METTL21A: variants seen among roughly 807,000 people sequenced by gnomAD.
METTL21A encodes the protein methyltransferase 21A, HSPA lysine, also known as protein N-lysine methyltransferase METTL21A.
METTL21A carries 22 observed loss-of-function variants against 20.9 expected under a neutral mutation model. The observed-to-expected ratio is 1.05, with a 90% CI of 0.75 to 1.50. The LOEUF is 1.50. METTL21A is among the 40% of genes most tolerant of loss of function. METTL21A has a pLI of 0.00. For missense variants in METTL21A, 271 were observed against 266.8 expected, an observed-to-expected ratio of 1.02 and a Z score of -0.11; for synonymous variants, 93 against 102.0, an observed-to-expected ratio of 0.91 and a Z score of 0.53.
At chr2:207,583,039 A>G (rs1302763089) in intron 3 of METTL21A, among the ~76,000 whole-genome samples, 1 of 152,102 alleles carries the variant, frequency 6.6e-6, no homozygotes, top group African/African-American at 2.4e-5. Flanking sequence ...AAAAGTAACA[A>G]TATAACAATT....
chr2:207,584,653 C>T (rs2083497616), intron 3 of METTL21A, among the ~76,000 whole-genome samples: 1 of 152,156 alleles, frequency 6.6e-6, no homozygotes, highest in Non-Finnish European at 1.5e-5. Context: ...CCACCCACCT[C>T]GGCCTCCCAA....
At chr2:207,582,600 G>C (rs574454624) in intron 3 of METTL21A, among the ~76,000 whole-genome samples, 201 of 152,074 alleles carry the variant, frequency 1.3e-3, no homozygotes, top group Non-Finnish European at 2.4e-3. Context: ...TTTACTTTCT[G>C]AGACTACAAG....
rs180916606 is a variant in METTL21A at position 207,624,661 on chromosome 2, A to C, written c.-29-257T>G. The C allele has an allele frequency of 1.4e-3, 329 of 238,276 alleles. 3 individuals carry two copies. Among genetic ancestry groups the C allele is most frequent in the African/African-American group, 7.0e-3 (307 of 43,760 alleles). 14.8% of individuals were successfully genotyped at this position (238,276 alleles called of 1,614,324 possible). ...CATTCCAACTTCCGCAGAATACCCT[A>C]TACACTGCACTGCTACCACTCCGTG... On this transcript the variant is annotated intron_variant, in intron 1 of 3. Coordinates refer to ENST00000406927, the Ensembl canonical transcript of METTL21A.
intron 3 of METTL21A, among the ~76,000 whole-genome samples, chr2:207,590,430 G>GT (rs1310905903): frequency 3.3e-5 from 5 of 151,158 alleles, no homozygotes; most frequent in Non-Finnish European, 7.4e-5. Context: ...AGTTTCATTA[G>GT]TTTTCTCCTT....
At chr2:207,595,743 T>A (rs931947521) in intron 3 of METTL21A, among the ~76,000 whole-genome samples, 13 of 151,604 alleles carry the variant, frequency 8.6e-5, no homozygotes, top group Admixed American at 1.3e-4. Context: ...TTTTTAAAAA[T>A]TTTTTTTTAG....
chr2:207,608,956 CATT>C (rs1368009744), downstream of METTL21A, among the ~76,000 whole-genome samples: 5 of 152,294 alleles, frequency 3.3e-5, no homozygotes, highest in Non-Finnish European at 7.3e-5. Flanking sequence ...ACTGGCTTGT[CATT>C]ATGGTGTTGG....
At chr2:207,581,718 TA>T in exon 4 of METTL21A, 1 of 602,600 alleles carries the variant, frequency 1.7e-6, no homozygotes, top group Non-Finnish European at 2.9e-6. Context: ...AGGGTACATT[TA>T]TCAAAAATAA....
intron 3 of METTL21A, among the ~76,000 whole-genome samples, chr2:207,584,466 C>A (rs1047590871): frequency 6.6e-6 from 1 of 152,124 alleles, no homozygotes; most frequent in African/African-American, 2.4e-5. Context: ...TGCAGTGGCA[C>A]CATGTCGGCT....
chr2:207,624,584 G>A lies in METTL21A; in HGVS notation c.-29-180C>T, dbSNP rs2090899885. 3 of 514,464 alleles carry A rather than the reference G, an allele frequency of 5.8e-6. 1 individual carries two copies. Among genetic ancestry groups the A allele is most frequent in the Admixed American group, 4.0e-5 (1 of 24,796 alleles). 31.9% of individuals were successfully genotyped at this position (514,464 alleles called of 1,614,324 possible). ...TCCGAATCTGAGTGAGATTTGGCTC[G>A]GAATTTGTGTCAACGGATGTGTTTG... is the stretch of plus-strand genomic sequence containing the variant. On this transcript the variant is annotated intron_variant, in intron 1 of 3. Coordinates refer to ENST00000406927, the Ensembl canonical transcript of METTL21A.
chr2:207,605,251 T>C (rs779932829), downstream of METTL21A, among the ~76,000 whole-genome samples: 3 of 152,212 alleles, frequency 2.0e-5, no homozygotes, highest in Non-Finnish European at 4.4e-5. Flanking sequence ...TTAAAAATTA[T>C]AGCCATCCTC....
In METTL21A at chr2:207,619,506, A is replaced by C. The variant is rs1039659607; in HGVS notation, c.259+2300T>G. On this transcript the variant is annotated intron_variant, in intron 3 of 3. Coordinates refer to ENST00000406927, the Ensembl canonical transcript of METTL21A. The stretch of plus-strand genomic sequence containing the variant: ...CTAACACTTTGTAGTGACTACAAAT[A>C]GTGAGTATGAAAATCATACAGTAGC... Among the ~76,000 whole-genome samples the C allele has an allele frequency of 6.6e-5, 10 of 152,352 alleles. No individual in the cohort carries two copies. The East Asian group carries it at 1.9e-3, about 29-fold the overall frequency.
chr2:207,594,136 T>C (rs2085646700), intron 3 of METTL21A, among the ~76,000 whole-genome samples: 1 of 152,242 alleles, frequency 6.6e-6, no homozygotes, highest in South Asian at 2.1e-4. Context: ...AAAAAGAATT[T>C]ACTGGTTTAG....
downstream of METTL21A, among the ~76,000 whole-genome samples, chr2:207,607,338 A>G (rs2088265779): frequency 6.6e-6 from 1 of 152,060 alleles, no homozygotes; most frequent in South Asian, 2.1e-4. Context: ...GTGTGCCAAG[A>G]TCACACCACT....
chr2:207,616,457 T>C (rs2089755128), intron 3 of METTL21A, among the ~76,000 whole-genome samples: 1 of 152,214 alleles, frequency 6.6e-6, no homozygotes, highest in South Asian at 2.1e-4. Context: ...TCCACACATA[T>C]CTGAATGACT....
At chr2:207,603,631 G>A (rs1036513744) in intron 3 of METTL21A, among the ~76,000 whole-genome samples, 2 of 152,272 alleles carry the variant, frequency 1.3e-5, no homozygotes, top group Admixed American at 1.3e-4. Context: ...TTTTCAATAA[G>A]ATTGAACAGT....
chr2:207,620,865 G>A, intron 3 of METTL21A: 1 of 552,902 alleles, frequency 1.8e-6, no homozygotes, highest in Non-Finnish European at 3.2e-6. Context: ...GGCTTTAGCT[G>A]GTCCTCAAAT....
chr2:207,603,201 AG>A (rs776930685), intron 3 of METTL21A: 1 of 215,894 alleles, frequency 4.6e-6, no homozygotes, highest in Non-Finnish European at 9.3e-6. Context: ...TTATGTGTAA[AG>A]AAAAAAATGT....
At chr2:207,595,909 A>G (rs1186729592) in intron 3 of METTL21A, among the ~76,000 whole-genome samples, 1 of 152,148 alleles carries the variant, frequency 6.6e-6, no homozygotes, top group Non-Finnish European at 1.5e-5. Context: ...TGATTTGCAG[A>G]TATTTCTTCT....
Position 207,624,266 on chromosome 2 carries a change from C to T in METTL21A, c.110G>A (p.Trp37Ter), listed in dbSNP as rs1278001415. The T allele has an allele frequency of 6.2e-7, 1 of 1,612,962 alleles. No homozygotes were observed. The highest frequency in any genetic ancestry group is 1.7e-5 in the Admixed American group (1 of 59,804). Reference sequence around the variant, plus strand: ...CACCGCTGCGACTCCCAGGTGTCTCCAGTCCTGCCGGATCTGGATCGTGTG... The same window carrying T: ...CACCGCTGCGACTCCCAGGTGTCTCTAGTCCTGCCGGATCTGGATCGTGTG... Residue 37 changes from tryptophan to a stop codon, truncating the protein, a stop_gained, in exon 2 of 4, where the codon TGG (tryptophan) becomes TAG (stop). Coordinates refer to ENST00000406927, the Ensembl canonical transcript of METTL21A. LOFTEE classifies it high-confidence loss of function.
Sources: gnomAD v4.1 joint callset for allele counts (sites outside exome capture counted in the v4.1 genomes callset) on GRCh38, gnomAD v4.1.1 for gene constraint, MANE v1.5 for transcripts, NCBI Gene and HGNC (gene_info 2026-07-23, HGNC 2026-07-21) for gene names.